The following ABCC10 variants were observed in gnomAD, a reference collection of about 807,000 sequenced individuals.
ABCC10 encodes ATP binding cassette subfamily C member 10.
ABCC10 carries 110 observed loss-of-function variants against 143.2 expected under a neutral mutation model. That is an observed-to-expected ratio of 0.77 (90% confidence interval 0.66 to 0.90). The LOEUF (loss-of-function observed/expected upper bound fraction) is 0.90, where lower values mean the gene tolerates loss of function less well. ABCC10 is among the 40% of genes least tolerant of loss of function. The pLI, the probability that ABCC10 is intolerant of heterozygous loss-of-function variation, is 0.00. For missense variants in ABCC10, 1,700 were observed against 1,900.5 expected (o/e 0.89, Z 1.96); for synonymous variants, 805 against 846.7 (o/e 0.95, Z 0.85).
chr6:43,436,681 C>T (rs964951600), intron 6 of ABCC10, among the ~76,000 whole-genome samples: 8 of 152,322 alleles, frequency 5.3e-5, no homozygotes, highest in Middle Eastern at 3.4e-3. Context: ...ACTCATGCTA[C>T]AGCATACAAA....
intron 14 of ABCC10, 67 bp from the exon 15 acceptor site, chr6:43,445,532 C>T (rs1303451444): frequency 3.3e-6 from 5 of 1,514,928 alleles, no homozygotes; most frequent in African/African-American, 1.4e-5. Flanking sequence ...CCCACCTCCC[C>T]CAGTGCTGCC....
downstream of ABCC10, chr6:43,451,855 C>T (rs1554210351): frequency 6.5e-7 from 1 of 1,542,860 alleles, no homozygotes; most frequent in Non-Finnish European, 8.7e-7. The surrounding 1 kb of genome is among the most constrained non-coding windows in gnomAD (Gnocchi z 4.4). Context: ...CAGTCCCCCA[C>T]CCTCCCAACA....
Position 43,443,892 on chromosome 6 carries a change from C to T in ABCC10, c.2417-41C>T. On this transcript the variant is annotated intron_variant, in intron 10 of 21. Transcript: ENST00000372530. This position sits in a 1 kb window ranked among gnomAD's most constrained non-coding sequence, Gnocchi z 4.2. ...CGCACTGAGAAAGGCATAGTATAGA[C>T]TCAGAACAGTCCTCTCCCAATCTCC... The T allele has an allele frequency of 6.4e-7, 1 of 1,566,642 alleles. No homozygotes were observed. Among genetic ancestry groups the T allele is most frequent in the Non-Finnish European group, 8.8e-7 (1 of 1,136,588 alleles).
intron 12 of ABCC10, 115 bp downstream of exon 12, chr6:43,444,468 G>A (rs747986968): frequency 1.7e-5 from 22 of 1,300,334 alleles, no homozygotes; most frequent in Non-Finnish European, 2.3e-5. Context: ...GTCACAGCTG[G>A]GACAAAAGCC....
chr6:43,429,594 G>C (rs1198399538), intron 2 of ABCC10, among the ~76,000 whole-genome samples: 1 of 152,056 alleles, frequency 6.6e-6, no homozygotes, highest in Non-Finnish European at 1.5e-5. Context: ...ACCACACCTG[G>C]CTAATTTTTT....
rs1783006296 is a variant in ABCC10, at chr6:43,445,861, T to G, written c.3293T>G (p.Leu1098Arg). Residue 1098 changes from leucine (L) to arginine (R), a missense_variant, in exon 15 of 22, where the codon CTC (leucine) becomes CGC (arginine). Leu to Arg is a moderately radical substitution (Grantham distance 102). Transcript: ENST00000372530. ...CGGGAGCTGCGGCGCCTGGGCAGCC[T>G]CACCCTGTCTCCACTGTATAGCCAT... ...SSRELRRLGS[L>R]TLSPLYSHLA... 7 of 1,614,094 alleles carry G rather than the reference T, an allele frequency of 4.3e-6. No individual in the cohort carries two copies. Among genetic ancestry groups the G allele is most frequent in the Non-Finnish European group, 5.9e-6 (7 of 1,180,030 alleles).
At position 43,433,289 on chromosome 6, in the gene ABCC10, A is replaced by G. The variant is rs61740187; in HGVS notation, c.1309A>G (p.Asn437Asp). Reference sequence around the variant, plus strand: ...CTTGGCACTGCTGCTGGTACCCGTCAACAAAGTGATTGCCACCCGCATCAT... The same window carrying G: ...CTTGGCACTGCTGCTGGTACCCGTCGACAAAGTGATTGCCACCCGCATCAT... ...LILALLLVPV[N>D]KVIATRIMAS... Residue 437 changes from asparagine (N) to aspartate (D), a missense_variant, in exon 3 of 22, where the codon AAC becomes GAC. Coordinates refer to ENST00000372530, the MANE Select transcript of ABCC10 (RefSeq NM_001198934.2). 6,639 of 1,614,196 alleles carry G rather than the reference A, an allele frequency of 4.1e-3. 15 individuals carry two copies. Among genetic ancestry groups the G allele is most frequent in the Non-Finnish European group, 5.1e-3 (5,965 of 1,180,004 alleles).
Position 43,447,338 on chromosome 6 carries a change from T to G in ABCC10, c.3635T>G (p.Leu1212Arg), listed in dbSNP as rs1783207676. 6.2e-7 allele frequency: 1 copy of G among 1,613,606 alleles called. No homozygotes were observed. The highest frequency in any genetic ancestry group is 1.7e-5 in the Admixed American group (1 of 60,022). The change falls in exon 17 of 22, where the codon CTG becomes CGG. Residue 1212 changes from leucine to arginine, a missense_variant. Leu to Arg is a moderately radical substitution (Grantham distance 102). Coordinates refer to ENST00000372530, the MANE Select transcript of ABCC10 (RefSeq NM_001198934.2). The stretch of plus-strand genomic sequence containing the variant: ...AGCTTCACACAGACAGAGGCCATGC[T>G]GGTGAGCGTCGAGCGGCTGGAAGAG... ...VSSFTQTEAM[L>R]VSVERLEEYT...
Position 43,446,531 on chromosome 6 carries a change from C to G in ABCC10, c.3544+85C>G, listed in dbSNP as rs1348601599. On this transcript the variant is annotated intron_variant, in intron 16 of 21. Coordinates refer to ENST00000372530, the MANE Select transcript of ABCC10 (RefSeq NM_001198934.2). ...ATCTCTCCCTGCACCATCCCCCCAACATTTTCACCTCCCACCCAGGGTTCC... is the reference window on the plus strand; with the variant it reads ...ATCTCTCCCTGCACCATCCCCCCAAGATTTTCACCTCCCACCCAGGGTTCC... The G allele has an allele frequency of 2.7e-6, 4 of 1,483,168 alleles. No individual in the cohort carries two copies. In the East Asian group the frequency reaches 9.7e-5, roughly 36 times the overall value. 91.9% of individuals were successfully genotyped at this position (1,483,168 alleles called of 1,614,324 possible). A position where few individuals can be genotyped will look rare whatever the true frequency, so the allele number is the denominator to read the frequency against.
rs1562176927 is a variant in ABCC10, at chr6:43,435,772, G to A, written c.1630G>A (p.Val544Met). Residue 544 changes from valine (V) to methionine (M), a missense_variant, in exon 5 of 22, where the codon GTG (valine) becomes ATG (methionine). Coordinates refer to ENST00000372530, the MANE Select transcript of ABCC10 (RefSeq NM_001198934.2). The stretch of plus-strand genomic sequence containing the variant: ...TCAGGTGTTCACGGCCCTGGCACTG[G>A]TGCGAATGCTCATTCTTCCTCTCAA... The part of the protein sequence containing the change: ...ATKVFTALAL[V>M]RMLILPLNNF... 6.2e-7 allele frequency: 1 copy of A among 1,614,202 alleles called. No individual in the cohort carries two copies. The highest frequency in any genetic ancestry group is 2.2e-5 in the East Asian group (1 of 44,888).
intron 16 of ABCC10, 126 bp downstream of exon 16, chr6:43,446,572 A>T (rs972914440): frequency 5.1e-5 from 73 of 1,433,974 alleles, no homozygotes; most frequent in Admixed American, 1.1e-4. Context: ...AGGATGTATC[A>T]TGATTATCAT....
chr6:43,432,428 A>T lies in ABCC10; in HGVS notation c.448A>T (p.Thr150Ser). 1 of 1,611,910 alleles carries T rather than the reference A, an allele frequency of 6.2e-7. No homozygotes were observed. The highest frequency in any genetic ancestry group is 8.5e-7 in the Non-Finnish European group (1 of 1,180,014). The stretch of plus-strand genomic sequence containing the variant: ...GCTGCCAGCTCCAGCCCTAGTGCTG[A>T]CCGTGTTGTGGCATTGCCAGCGAGG... ...ALLPAPALVL[T>S]VLWHCQRGTL... The change falls in exon 3 of 22, where the codon ACC (threonine) becomes TCC (serine). Residue 150 changes from threonine (T) to serine (S), a missense_variant. Thr to Ser is a moderately conservative substitution (Grantham distance 58). Coordinates refer to ENST00000372530, the MANE Select transcript of ABCC10 (RefSeq NM_001198934.2).
In ABCC10 at chr6:43,433,091, G is replaced by C. The variant is rs1781312038; in HGVS notation, c.1111G>C (p.Gly371Arg). The C allele has an allele frequency of 6.2e-7, 1 of 1,614,030 alleles. No homozygotes were observed. The highest frequency in any genetic ancestry group is 1.3e-5 in the African/African-American group (1 of 74,920). Residue 371 changes from glycine (G) to arginine (R), a missense_variant, in exon 3 of 22, where the codon GGG (glycine) becomes CGG (arginine). By Grantham distance (125) the Gly-to-Arg change is moderately radical. Coordinates refer to ENST00000372530, the MANE Select transcript of ABCC10 (RefSeq NM_001198934.2). ...CCTGTACTGCAAGGCTTTACAGCTG[G>C]GGCCCAGCCGCCCTCCTACTGGGGA... Reference protein sequence around the residue: ...NILYCKALQLGPSRPPTGEAL... With the variant: ...NILYCKALQLRPSRPPTGEAL...
In ABCC10 at chr6:43,435,928, A is replaced by G. The variant is rs757468463; in HGVS notation, c.1765+21A>G. 1.2e-5 allele frequency: 19 copies of G among 1,613,648 alleles called. No individual in the cohort carries two copies. The Admixed American group carries it at 3.2e-4, about 27-fold the overall frequency. ...CCCAGGTAATGGGAAGCTAGTGGGC[A>G]GAACCTGGCACAGGGTGAGGAGGGA... On this transcript the variant is annotated intron_variant, in intron 5 of 21. Transcript: ENST00000372530.
intron 2 of ABCC10, chr6:43,431,782 G>A (rs552470157): frequency 6.4e-6 from 7 of 1,096,872 alleles, no homozygotes; most frequent in East Asian, 1.2e-4. Flanking sequence ...AGTAGCAAAC[G>A]TAGTACCCAG....
chr6:43,437,855 C>T, intron 6 of ABCC10, 79 bp from the exon 7 acceptor site: 1 of 1,427,274 alleles, frequency 7.0e-7, no homozygotes, highest in South Asian at 1.2e-5. Context: ...ACTGGCAGCC[C>T]AGAGTGTCAA....
chr6:43,450,158 T>C lies in ABCC10; in HGVS notation c.*67T>C. ...CCAGGCCGGGCCTATACAGAGGTGCTGGCTGCTTGTTTACATTCTCCTCTG... is the reference window on the plus strand; with the variant it reads ...CCAGGCCGGGCCTATACAGAGGTGCCGGCTGCTTGTTTACATTCTCCTCTG... On this transcript the variant is annotated 3_prime_UTR_variant, in exon 22 of 22. Transcript: ENST00000372530. The surrounding 1 kb of genome is among the most constrained non-coding windows in gnomAD (Gnocchi z 4.5). 6.7e-7 allele frequency: 1 copy of C among 1,495,326 alleles called. No homozygotes were observed. The highest frequency in any genetic ancestry group is 9.0e-7 in the Non-Finnish European group (1 of 1,111,660). 92.6% of individuals were successfully genotyped at this position (1,495,326 alleles called of 1,614,324 possible). A position where few individuals can be genotyped will look rare whatever the true frequency, so the allele number is the denominator to read the frequency against.
At chr6:43,435,670 G>T in intron 4 of ABCC10, 81 bp from the exon 5 acceptor site, 2 of 1,514,786 alleles carry the variant, frequency 1.3e-6, no homozygotes. Flanking sequence ...TCTTCCCTCC[G>T]TAGACCTGTC....
In ABCC10 at chr6:43,435,845, T is replaced by G. The variant is rs770973565; in HGVS notation, c.1703T>G (p.Leu568Trp). 1 of 1,614,162 alleles carries G rather than the reference T, an allele frequency of 6.2e-7. No individual in the cohort carries two copies. The highest frequency in any genetic ancestry group is 1.7e-5 in the Admixed American group (1 of 60,016). ...INGLLEAKVS[L>W]DRIQLFLDLP... Reference sequence around the variant, plus strand: ...GGTCTCCTGGAGGCCAAAGTGTCCTTGGACCGGATCCAGCTTTTCCTCGAC... The same window carrying G: ...GGTCTCCTGGAGGCCAAAGTGTCCTGGGACCGGATCCAGCTTTTCCTCGAC... Residue 568 changes from leucine (L) to tryptophan (W), a missense_variant, in exon 5 of 22, where the codon TTG becomes TGG. Coordinates refer to ENST00000372530, the MANE Select transcript of ABCC10 (RefSeq NM_001198934.2).
Sources: gnomAD v4.1 joint callset for allele counts (sites outside exome capture counted in the v4.1 genomes callset) on GRCh38, gnomAD v4.1.1 for gene constraint, Gnocchi (gnomAD v3.1) non-coding constraint, MANE v1.5 for transcripts, NCBI Gene and HGNC (gene_info 2026-07-23, HGNC 2026-07-21) for gene names.